Variants in HDHD5 observed in about 807,000 individuals in gnomAD.
The protein encoded by HDHD5 is haloacid dehalogenase like hydrolase domain containing 5.
In HDHD5, 34 loss-of-function variants were observed where a neutral mutation model predicts 35.5. The ratio of observed to expected loss-of-function variants is 0.96; its 90% CI spans 0.73 to 1.28. HDHD5 has a LOEUF of 1.28. HDHD5 is among the 50% of genes most tolerant of loss of function. The pLI is 0.00. For synonymous variants in HDHD5, 248 were observed against 240.6 expected, an observed-to-expected ratio of 1.03 and a Z score of -0.29; for missense variants, 589 against 560.2, an observed-to-expected ratio of 1.05 and a Z score of -0.52.
chr22:17,138,787 C>T (rs775331690), intron 6 of HDHD5, 49 bp from the exon 7 acceptor site: 2 of 1,603,322 alleles, frequency 1.2e-6, no homozygotes, highest in Admixed American at 3.3e-5. Context: ...TCTCCAGGCT[C>T]TTCTAGAGAA....
intron 1 of HDHD5, among the ~76,000 whole-genome samples, chr22:17,157,210 GT>G (rs1227418551): frequency 7.3e-5 from 11 of 150,802 alleles, no homozygotes; most frequent in African/African-American, 2.7e-4. Flanking sequence ...TTACAAAAGA[GT>G]AAAAAATTTT....
In HDHD5 at chr22:17,138,350, G is replaced by T. The variant is rs573116088; in HGVS notation, c.943C>A (p.Pro315Thr). The T allele has an allele frequency of 1.2e-6, 2 of 1,606,300 alleles. No homozygotes were observed. The highest frequency in any genetic ancestry group is 4.5e-5 in the East Asian group (2 of 44,756). ...IRKLYAVGDN[P>T]MSDVYGANLF... ...TTGGCGCCGTATACGTCAGACATAG[G>T]GTTATCACTGGCAGGGGCAGCCACA... The change falls in exon 8 of 8, where the codon CCT becomes ACT. Residue 315 changes from proline (P) to threonine (T), a missense_variant. By Grantham distance (38) the Pro-to-Thr change is conservative (BLOSUM62 -1). Coordinates refer to ENST00000336737, the MANE Select transcript of HDHD5 (RefSeq NM_033070.3).
chr22:17,158,207 G>A (rs945930694), intron 1 of HDHD5, among the ~76,000 whole-genome samples: 2 of 152,062 alleles, frequency 1.3e-5, no homozygotes, highest in African/African-American at 2.4e-5. Context: ...TGTAATCCCA[G>A]CTACTCGGGA....
rs1443426256 is a variant in HDHD5 at position 17,149,580 on chromosome 22, T to C, written c.292A>G (p.Ser98Gly). Reference protein sequence around the residue: ...VTNAGNILQHSKAQELSALLG... With the variant: ...VTNAGNILQHGKAQELSALLG... ...AGGGCTGACAGCTCCTGGGCTTTGC[T>C]GTGTTGTAAGATGTTCCCAGCATTT... Residue 98 changes from serine (S) to glycine (G), a missense_variant, in exon 2 of 8, where the codon AGC (serine) becomes GGC (glycine). By Grantham distance (56) the Ser-to-Gly change is moderately conservative. Coordinates refer to ENST00000336737, the MANE Select transcript of HDHD5 (RefSeq NM_033070.3). 1.9e-6 allele frequency: 3 copies of C among 1,612,682 alleles called. No homozygotes were observed. Among genetic ancestry groups the C allele is most frequent in the African/African-American group, 2.7e-5 (2 of 74,860 alleles).
chr22:17,165,173 C>T lies in HDHD5; in HGVS notation c.36+36G>A, dbSNP rs746119002. On this transcript the variant is annotated intron_variant, in intron 1 of 7. Transcript: ENST00000155674. ...GGACTTCTGTTAATAATACTCCTGG[C>T]CTCTCTCTACCTGGGGAAGAGGAAA... is the stretch of plus-strand genomic sequence containing the variant. 6 of 768,740 alleles carry T rather than the reference C, an allele frequency of 7.8e-6. No homozygotes were observed. In the South Asian group the frequency reaches 8.2e-5, roughly 11 times the overall value. 47.6% of individuals were successfully genotyped at this position (768,740 alleles called of 1,614,324 possible).
Position 17,159,228 on chromosome 22 carries a change from A to G in HDHD5, c.24T>C (p.Ala8=). 3 of 1,154,624 alleles carry G rather than the reference A, an allele frequency of 2.6e-6. No homozygotes were observed. Among genetic ancestry groups the G allele is most frequent in the South Asian group, 3.7e-5 (1 of 27,280 alleles). The allele number at this position is 1,154,624 out of a possible 1,614,324, so 71.5% of individuals were successfully genotyped here. MAAWGCV[A]ALGAARGLCW... ...AAAGCCCACGCGCCGCGCCGAGCGC[A>G]GCCACACAGCCCCACGCAGCCATCC... is the stretch of plus-strand genomic sequence containing the variant. The change falls in exon 1 of 8, where the codon GCT becomes GCC. Residue 8 remains alanine (A), a synonymous_variant. Transcript: ENST00000336737.
chr22:17,153,297 G>A (rs1189136307), intron 1 of HDHD5, among the ~76,000 whole-genome samples: 2 of 152,156 alleles, frequency 1.3e-5, no homozygotes, highest in Non-Finnish European at 2.9e-5. Context: ...GGACAAATAA[G>A]GCATCAACCT....
upstream of HDHD5, chr22:17,159,299 G>T (rs1454386278): frequency 5.7e-6 from 3 of 530,390 alleles, no homozygotes; most frequent in Non-Finnish European, 6.7e-6. Context: ...CCCCCCCCCC[G>T]CGAGTCCGTC....
chr22:17,159,130 G>T lies in HDHD5; in HGVS notation c.122C>A (p.Ala41Asp). The T allele has an allele frequency of 8.1e-7, 1 of 1,238,458 alleles. No homozygotes were observed. 76.7% of individuals were successfully genotyped at this position (1,238,458 alleles called of 1,614,324 possible). ...CCAGAACCCGGACGTCCTCACCTGA[G>T]CGGGGCCCACAGCATAGCACCTGCG... ...PARRCYAVGP[A>D]QSPPTFGFLL... Residue 41 changes from alanine to aspartate, a missense_variant, in exon 1 of 8, where the codon GCT becomes GAT. By Grantham distance (126) the Ala-to-Asp change is moderately radical (BLOSUM62 -2). Coordinates refer to ENST00000336737, the MANE Select transcript of HDHD5 (RefSeq NM_033070.3).
chr22:17,144,913 A>G, intron 4 of HDHD5, 111 bp downstream of exon 4: 5 of 1,313,166 alleles, frequency 3.8e-6, no homozygotes, highest in Non-Finnish European at 5.4e-6. Context: ...CCAAAGAAGC[A>G]TGGACAAATC....
chr22:17,152,970 G>T (rs560766179), intron 1 of HDHD5, among the ~76,000 whole-genome samples: 29 of 151,992 alleles, frequency 1.9e-4, no homozygotes, highest in Non-Finnish European at 4.0e-4. Context: ...AAAACAGGAG[G>T]AAGCAACTCG....
At chr22:17,164,913 C>T (rs2061882415) in intron 1 of HDHD5, among the ~76,000 whole-genome samples, 1 of 152,166 alleles carries the variant, frequency 6.6e-6, no homozygotes, top group African/African-American at 2.4e-5. Flanking sequence ...GCTGGAAGAA[C>T]AGGGGTGGAG....
intron 5 of HDHD5, chr22:17,141,482 AAG>A: frequency 7.5e-7 from 1 of 1,325,728 alleles, no homozygotes; most frequent in Non-Finnish European, 9.6e-7. Context: ...TGCTTCACAG[AAG>A]AGGTTACAAA....
intron 3 of HDHD5, among the ~76,000 whole-genome samples, chr22:17,147,724 C>T (rs920925769): frequency 7.4e-5 from 11 of 147,654 alleles, no homozygotes; most frequent in African/African-American, 2.0e-4. Flanking sequence ...ACACCTGTGG[C>T]GCCCTCCTGT....
intron 2 of HDHD5, among the ~76,000 whole-genome samples, chr22:17,148,958 T>G (rs2061696113): frequency 6.6e-6 from 1 of 152,226 alleles, no homozygotes; most frequent in South Asian, 2.1e-4. Flanking sequence ...TGCTTAACAT[T>G]TATACTAACC....
rs1032651754 is a variant in HDHD5, at chr22:17,148,678, C to T, written c.331-118G>A. On this transcript the variant is annotated intron_variant, in intron 2 of 7. Transcript: ENST00000336737. ...GGAAAAAACCCGCTCAGAAAAAGAA[C>T]GGGGAGGAAAGCCCTTTCTAGCACC... is the stretch of plus-strand genomic sequence containing the variant. 4.7e-5 allele frequency: 36 copies of T among 759,794 alleles called. 1 individual carries two copies. The highest frequency in any genetic ancestry group is 3.0e-4 in the South Asian group (19 of 63,992). The allele number at this position is 759,794 out of a possible 1,614,324, so 47.1% of individuals were successfully genotyped here. A position where few individuals can be genotyped will look rare whatever the true frequency, so the allele number is the denominator to read the frequency against.
chr22:17,163,469 GC>G (rs1568957188), upstream of HDHD5, among the ~76,000 whole-genome samples: 1 of 152,180 alleles, frequency 6.6e-6, no homozygotes, highest in African/African-American at 2.4e-5. Context: ...TTAGGAGTTA[GC>G]ATGTCTCTGA....
Position 17,138,444 on chromosome 22 carries a change from C to T in HDHD5, c.936-87G>A, listed in dbSNP as rs192543432. ...AAGCAAAGGGAGCAGAGAAGAGTTT[C>T]GGGGCAGAAGAGTGAATTAGATATA... is the stretch of plus-strand genomic sequence containing the variant. On this transcript the variant is annotated intron_variant, in intron 7 of 7. Coordinates refer to ENST00000336737, the MANE Select transcript of HDHD5 (RefSeq NM_033070.3). The T allele has an allele frequency of 1.4e-4, 212 of 1,548,016 alleles. 1 individual carries two copies. The African/African-American group carries it at 2.0e-3, about 14-fold the overall frequency.
At chr22:17,144,602 C>T (rs1294973507) in intron 4 of HDHD5, among the ~76,000 whole-genome samples, 4 of 152,012 alleles carry the variant, frequency 2.6e-5, no homozygotes, top group Non-Finnish European at 5.9e-5. Context: ...TTAGTAGAGA[C>T]GGGGTTTCAC....
Sources: gnomAD v4.1 joint callset for allele counts (sites outside exome capture counted in the v4.1 genomes callset) on GRCh38, gnomAD v4.1.1 for gene constraint, MANE v1.5 for transcripts, NCBI Gene and HGNC (gene_info 2026-07-23, HGNC 2026-07-21) for gene names.